Variants in PACC1 observed in about 807,000 individuals in gnomAD.
The protein encoded by PACC1 is proton activated chloride channel 1.
In PACC1, 34 loss-of-function variants were observed where a neutral mutation model predicts 39.7. That is an observed-to-expected ratio of 0.86 (90% CI 0.65 to 1.14). The LOEUF is 1.14. PACC1 is among the 50% of genes most tolerant of loss of function. The probability of loss-of-function intolerance (pLI) is 0.00; values close to 1 mark genes in which losing one functional copy is unlikely to be tolerated. For missense variants in PACC1, 379 were observed against 436.4 expected (o/e 0.87, Z 1.17); for synonymous variants, 127 against 160.6 (o/e 0.79, Z 1.58).
intron 4 of PACC1, among the ~76,000 whole-genome samples, chr1:212,381,694 TGCACACACAC>T (rs1660892662): frequency 1.3e-5 from 1 of 78,578 alleles, no homozygotes; most frequent in South Asian, 5.2e-4. Context: ...ACACACACAC[TGCACACACAC>T]ACACACACAC....
chr1:212,365,795 T>C (rs892679884), intron 7 of PACC1, among the ~76,000 whole-genome samples: 6 of 152,194 alleles, frequency 3.9e-5, no homozygotes, highest in Non-Finnish European at 7.4e-5. Flanking sequence ...AAAGCTGTTT[T>C]TCAAAAAAGC....
At chr1:212,369,025 C>CA (rs60126911) in intron 7 of PACC1, among the ~76,000 whole-genome samples, 39,995 of 122,528 alleles carry the variant, frequency 0.33, 5,980 homozygotes, top group Non-Finnish European at 0.38. Context: ...GACTCCGTCT[C>CA]AAAAAAAAAA....
chr1:212,379,968 G>A lies in PACC1; in HGVS notation c.565C>T (p.Leu189=). The A allele has an allele frequency of 1.2e-6, 2 of 1,614,226 alleles. No individual in the cohort carries two copies. The highest frequency in any genetic ancestry group is 1.7e-6 in the Non-Finnish European group (2 of 1,180,048). The change falls in exon 5 of 8, where the codon CTG becomes TTG. Residue 189 remains leucine, a synonymous_variant. Coordinates refer to ENST00000261455, the MANE Select transcript of PACC1 (RefSeq NM_018252.3). The part of the protein sequence containing the change: ...KRELVFLQFR[L]NKSSEDFSAI... ...CTGAAGTCCTCACTACTCTTGTTCA[G>A]GCGGAACTGGAGGAAGACCAGCTCC...
chr1:212,413,125 C>G lies in PACC1; in HGVS notation c.36+1597G>C, dbSNP rs147608519. ...TCCCCCACTGTTTAGGGTACAGAAT[C>G]TAGGGGTCATGGAATCCACAGCACT... On this transcript the variant is annotated intron_variant, in intron 1 of 7. Coordinates refer to ENST00000261455, the MANE Select transcript of PACC1 (RefSeq NM_018252.3). Among the ~76,000 whole-genome samples the G allele has an allele frequency of 3.6e-3, 545 of 152,298 alleles. 20 individuals carry two copies. Among genetic ancestry groups the G allele is most frequent in the Admixed American group, 5.3e-3 (81 of 15,296 alleles).
chr1:212,405,763 G>A (rs1438376671), intron 2 of PACC1, among the ~76,000 whole-genome samples: 1 of 152,128 alleles, frequency 6.6e-6, no homozygotes, highest in Non-Finnish European at 1.5e-5. Context: ...CTTAACGTCT[G>A]TGCCTTGGGT....
At position 212,387,172 on chromosome 1, in the gene PACC1, C is replaced by G. The variant is rs923765946; in HGVS notation, c.134-72G>C. 2.7e-6 allele frequency: 4 copies of G among 1,504,740 alleles called. No homozygotes were observed. The African/African-American group carries it at 5.5e-5, about 21-fold the overall frequency. The allele number at this position is 1,504,740 out of a possible 1,614,324, so 93.2% of individuals were successfully genotyped here. On this transcript the variant is annotated intron_variant, in intron 2 of 7. Coordinates refer to ENST00000261455, the MANE Select transcript of PACC1 (RefSeq NM_018252.3). ...ACAGACAGAGATGGCCAGCAACCTC[C>G]AGGCCCTTGCCTGCCTCACCAAGGA... is the stretch of plus-strand genomic sequence containing the variant.
rs545557061 is a variant in PACC1 at position 212,386,497 on chromosome 1, C to A, written c.343+394G>T. ...GACTCCTGCTTCTCCTCATCCCTGC[C>A]CTCTGGCCCCAGCCAAGTTAGTCTC... On this transcript the variant is annotated intron_variant, in intron 3 of 7. Coordinates refer to ENST00000261455, the MANE Select transcript of PACC1 (RefSeq NM_018252.3). The surrounding 1 kb of genome is among the most constrained non-coding windows in gnomAD (Gnocchi z 5.0). Among the ~76,000 whole-genome samples, 9 of 152,246 alleles carry A rather than the reference C, an allele frequency of 5.9e-5. No homozygotes were observed. The highest frequency in any genetic ancestry group is 3.3e-4 in the Admixed American group (5 of 15,296).
chr1:212,368,254 C>G (rs574111177), intron 7 of PACC1, among the ~76,000 whole-genome samples: 5 of 152,154 alleles, frequency 3.3e-5, no homozygotes, highest in Admixed American at 6.5e-5. Flanking sequence ...TGTAGAAAAT[C>G]TCCTGAAGAT....
intron 5 of PACC1, among the ~76,000 whole-genome samples, 176 bp downstream of exon 5, chr1:212,379,719 A>G (rs1025212259): frequency 1.3e-5 from 2 of 152,212 alleles, no homozygotes; most frequent in African/African-American, 4.8e-5. Flanking sequence ...TAACTTTGTG[A>G]TAAGATGTTG....
At chr1:212,414,109 G>C in intron 1 of PACC1, 1 of 1,501,674 alleles carries the variant, frequency 6.7e-7, no homozygotes, top group Non-Finnish European at 8.9e-7. Context: ...AAGAGACAAA[G>C]AACTGGAAAG....
rs1374678554 is a variant in PACC1 at position 212,379,883 on chromosome 1, C to G, written c.638+12G>C. Reference sequence around the variant, plus strand: ...GTAGACAGTAAGCCCACTGTGAACTCTAAAAGCCCACCTTTGCAGGAACTC... The same window carrying G: ...GTAGACAGTAAGCCCACTGTGAACTGTAAAAGCCCACCTTTGCAGGAACTC... On this transcript the variant is annotated intron_variant, in intron 5 of 7. Transcript: ENST00000261455. 1 of 1,613,944 alleles carries G rather than the reference C, an allele frequency of 6.2e-7. No homozygotes were observed. The highest frequency in any genetic ancestry group is 1.3e-5 in the African/African-American group (1 of 74,896).
Position 212,386,897 on chromosome 1 carries a change from C to A in PACC1, c.337G>T (p.Ala113Ser). The change falls in exon 3 of 8, where the codon GCC (alanine) becomes TCC (serine). Residue 113 changes from alanine (A) to serine (S), a missense_variant. Physicochemically the swap from Ala to Ser is moderately conservative, Grantham distance 99 (BLOSUM62 1). Transcript: ENST00000261455. The surrounding 1 kb of genome is among the most constrained non-coding windows in gnomAD (Gnocchi z 5.0). ...GCCCAGGGGCAGGCTCTACCTGGGG[C>A]ATCATAGCGATCCACTTCCTTGTAA... Reference protein sequence around the residue: ...VSYKEVDRYDAPGIALYPGQA... With the variant: ...VSYKEVDRYDSPGIALYPGQA... 6.2e-7 allele frequency: 1 copy of A among 1,614,198 alleles called. No homozygotes were observed. Among genetic ancestry groups the A allele is most frequent in the South Asian group, 1.1e-5 (1 of 91,076 alleles).
intron 5 of PACC1, among the ~76,000 whole-genome samples, chr1:212,378,721 G>A (rs1660759627): frequency 6.6e-6 from 1 of 152,164 alleles, no homozygotes; most frequent in African/African-American, 2.4e-5. Flanking sequence ...AAGAGAGGTG[G>A]CAGAGCTTAT....
Position 212,386,902 on chromosome 1 carries a change from T to G in PACC1, c.332A>C (p.Tyr111Ser), listed in dbSNP as rs148827166. ...GGGGCAGGCTCTACCTGGGGCATCATAGCGATCCACTTCCTTGTAAGACAC... is the reference window on the plus strand; with the variant it reads ...GGGGCAGGCTCTACCTGGGGCATCAGAGCGATCCACTTCCTTGTAAGACAC... Reference protein sequence around the residue: ...MSVSYKEVDRYDAPGIALYPG... With the variant: ...MSVSYKEVDRSDAPGIALYPG... The change falls in exon 3 of 8, where the codon TAT becomes TCT. Residue 111 changes from tyrosine to serine, a missense_variant. Coordinates refer to ENST00000261455, the MANE Select transcript of PACC1 (RefSeq NM_018252.3). This position sits in a 1 kb window ranked among gnomAD's most constrained non-coding sequence, Gnocchi z 5.0. 8 of 1,614,150 alleles carry G rather than the reference T, an allele frequency of 5.0e-6. No individual in the cohort carries two copies. The highest frequency in any genetic ancestry group is 5.9e-6 in the Non-Finnish European group (7 of 1,180,014).
chr1:212,404,862 G>A (rs930195961), intron 2 of PACC1, among the ~76,000 whole-genome samples: 3 of 151,976 alleles, frequency 2.0e-5, no homozygotes, highest in South Asian at 2.1e-4. Context: ...TCCGCCTCCC[G>A]GCTTCAAGTG....
At chr1:212,372,902 T>C (rs544941119) in intron 7 of PACC1, among the ~76,000 whole-genome samples, 36 of 152,264 alleles carry the variant, frequency 2.4e-4, no homozygotes, top group Admixed American at 7.2e-4. Flanking sequence ...GGTTCATGGA[T>C]TGGAAGAACT....
chr1:212,380,522 CTT>C (rs1054076560), intron 4 of PACC1, among the ~76,000 whole-genome samples: 1 of 151,920 alleles, frequency 6.6e-6, no homozygotes, highest in African/African-American at 2.4e-5. Context: ...ACTTTTTAAT[CTT>C]TTTTACATTT....
chr1:212,382,243 C>T (rs1660926982), intron 4 of PACC1, among the ~76,000 whole-genome samples: 1 of 152,158 alleles, frequency 6.6e-6, no homozygotes, highest in African/African-American at 2.4e-5. Context: ...CGGGGTTTCA[C>T]CATGTTAGCC....
chr1:212,411,019 G>C (rs1314932059), intron 1 of PACC1, among the ~76,000 whole-genome samples: 1 of 152,156 alleles, frequency 6.6e-6, no homozygotes, highest in Non-Finnish European at 1.5e-5. Flanking sequence ...AGCCATGTTG[G>C]ATTAGGGGCC....
Sources: allele counts gnomAD v4.1 joint callset (sites outside exome capture counted in the v4.1 genomes callset), GRCh38; gene constraint gnomAD v4.1.1; non-coding constraint Gnocchi (gnomAD v3.1); transcripts MANE v1.5; gene names NCBI Gene and HGNC (gene_info 2026-07-23, HGNC 2026-07-21).